MAGI1: variants seen among roughly 807,000 people sequenced by gnomAD.
MAGI1 encodes membrane associated guanylate kinase, WW and PDZ domain containing 1.
MAGI1 carries 58 observed loss-of-function variants against 139.9 expected under a neutral mutation model. The observed-to-expected ratio is 0.41, with a 90% CI of 0.34 to 0.52. The LOEUF (loss-of-function observed/expected upper bound fraction) is 0.52, where lower values mean the gene tolerates loss of function less well. MAGI1 is among the 20% of genes least tolerant of loss of function. The pLI is 0.12. For missense variants in MAGI1, 1,874 were observed against 1,901.6 expected (o/e 0.99, Z 0.27); for synonymous variants, 812 against 737.9 (o/e 1.10, Z -1.63).
At chr3:66,018,859 T>C (rs182059315) in intron 1 of MAGI1, among the ~76,000 whole-genome samples, 10 of 152,310 alleles carry the variant, frequency 6.6e-5, no homozygotes, top group Admixed American at 2.0e-4. Context: ...TGATCACCTC[T>C]CGCTCTTCCC....
At chr3:65,500,820 G>T (rs1043424197) in intron 2 of MAGI1, among the ~76,000 whole-genome samples, 9 of 152,080 alleles carry the variant, frequency 5.9e-5, no homozygotes, top group Non-Finnish European at 1.0e-4. Flanking sequence ...AATTAATCAG[G>T]GTCCTGCTTG....
intron 2 of MAGI1, among the ~76,000 whole-genome samples, chr3:65,541,375 G>A (rs1313707764): frequency 3.3e-5 from 5 of 152,192 alleles, no homozygotes; most frequent in South Asian, 2.1e-4. Context: ...CTTCTGAAAC[G>A]ATTCCACACA....
At chr3:65,691,842 A>G (rs1162318631) in intron 1 of MAGI1, among the ~76,000 whole-genome samples, 1 of 152,160 alleles carries the variant, frequency 6.6e-6, no homozygotes, top group African/African-American at 2.4e-5. Flanking sequence ...GGCTAACTGG[A>G]CTGAAATCGT....
chr3:65,559,380 T>A (rs2080233281), intron 2 of MAGI1, among the ~76,000 whole-genome samples: 1 of 152,232 alleles, frequency 6.6e-6, no homozygotes. Context: ...TCAATCTATC[T>A]GAAAATTTCA....
intron 2 of MAGI1, among the ~76,000 whole-genome samples, chr3:65,557,069 G>A (rs943402034): frequency 1.3e-5 from 2 of 152,108 alleles, no homozygotes; most frequent in African/African-American, 4.8e-5. Context: ...CAAATCCCCA[G>A]ACTCGGTATG....
chr3:65,505,922 T>C (rs976196672), intron 2 of MAGI1, among the ~76,000 whole-genome samples: 17 of 152,282 alleles, frequency 1.1e-4, no homozygotes, highest in African/African-American at 2.6e-4. Flanking sequence ...AGCTGAGGCA[T>C]TGTTACATTT....
At chr3:65,921,653 C>T (rs1460253381) in intron 1 of MAGI1, among the ~76,000 whole-genome samples, 1 of 152,058 alleles carries the variant, frequency 6.6e-6, no homozygotes, top group African/African-American at 2.4e-5. Flanking sequence ...ATTGGAATAA[C>T]CTCCAATCAA....
At chr3:65,884,272 T>A (rs953405008) in intron 1 of MAGI1, among the ~76,000 whole-genome samples, 2 of 152,210 alleles carry the variant, frequency 1.3e-5, no homozygotes, top group Non-Finnish European at 2.9e-5. Context: ...AAGGAACTAG[T>A]GACACTGTGC....
At chr3:65,418,435 G>T (rs536094407) in intron 12 of MAGI1, among the ~76,000 whole-genome samples, 1 of 152,234 alleles carries the variant, frequency 6.6e-6, no homozygotes, top group Admixed American at 6.5e-5. Context: ...CAAATAAATA[G>T]AAATTTCAAT....
intron 10 of MAGI1, among the ~76,000 whole-genome samples, chr3:65,435,468 G>GTGGATGGATGGATGGA (rs10681942): frequency 3.5e-4 from 52 of 149,656 alleles, no homozygotes; most frequent in African/African-American, 4.7e-4. Context: ...ATATGTATAT[G>GTGGATGGATGGATGGA]TGGATGGATG....
chr3:65,397,726 TAA>T (rs1222071066), intron 13 of MAGI1, among the ~76,000 whole-genome samples: 1 of 152,186 alleles, frequency 6.6e-6, no homozygotes, highest in African/African-American at 2.4e-5. Context: ...TGATGACTTA[TAA>T]GTTATTATAA....
At position 65,493,525 on chromosome 3, in the gene MAGI1, G is replaced by A. The variant is rs190884285; in HGVS notation, c.537C>T (p.Val179=). The A allele has an allele frequency of 1.7e-5, 28 of 1,614,118 alleles. No individual in the cohort carries two copies. In the Admixed American group the frequency reaches 2.7e-4, roughly 15 times the overall value. The change falls in exon 3 of 23, where the codon GTC becomes GTT. Residue 179 remains valine, a synonymous_variant. Coordinates refer to ENST00000402939, the MANE Select transcript of MAGI1 (RefSeq NM_001033057.2). ...CAAGTAACTCACCTTCATAGGTGCC[G>A]ACTTCCAGAAGAGTCCCACTCTGCT... ...DLEQSGTLLE[V]GTYEGNYYGT...
chr3:65,703,804 T>A (rs1048297734), intron 1 of MAGI1, among the ~76,000 whole-genome samples: 3 of 152,122 alleles, frequency 2.0e-5, no homozygotes, highest in Non-Finnish European at 2.9e-5. Context: ...TAAATGAACC[T>A]CAGGAAAATG....
rs118043699 is a variant in MAGI1, at chr3:65,990,214, C to A, written c.313+47782G>T. On this transcript the variant is annotated intron_variant, in intron 1 of 22. Transcript: ENST00000402939. ...TAATACAAGTCACCACGGCAAGGTG[C>A]GGGATCATGAACTCAAGTTCAGTAT... is the stretch of plus-strand genomic sequence containing the variant. Among the ~76,000 whole-genome samples, 16 of 152,114 alleles carry A rather than the reference C, an allele frequency of 1.1e-4. No individual in the cohort carries two copies. In the East Asian group the frequency reaches 2.7e-3, roughly 26 times the overall value.
At chr3:65,867,351 C>G (rs2059764717) in intron 1 of MAGI1, among the ~76,000 whole-genome samples, 1 of 152,186 alleles carries the variant, frequency 6.6e-6, no homozygotes, top group Non-Finnish European at 1.5e-5. Context: ...ATTTTCTGAA[C>G]ACATCAATCA....
intron 2 of MAGI1, among the ~76,000 whole-genome samples, chr3:65,592,020 AT>A (rs1238828239): frequency 6.6e-6 from 1 of 152,164 alleles, no homozygotes; most frequent in Admixed American, 6.5e-5. Context: ...TCACTCAACT[AT>A]TACATGTACT....
chr3:65,854,881 G>A (rs1018049571), intron 1 of MAGI1, among the ~76,000 whole-genome samples: 1 of 152,196 alleles, frequency 6.6e-6, no homozygotes, highest in African/African-American at 2.4e-5. Flanking sequence ...ACAACCAAAG[G>A]GAGAAGTATG....
intron 1 of MAGI1, among the ~76,000 whole-genome samples, chr3:65,928,086 T>C (rs1488161578): frequency 6.6e-6 from 1 of 152,168 alleles, no homozygotes; most frequent in South Asian, 2.1e-4. Flanking sequence ...TACTTTTACA[T>C]GAATTTATTT....
rs1947338122 is a variant in MAGI1 at position 65,429,861 on chromosome 3, C to T, written c.1826G>A (p.Arg609Lys). 6.2e-7 allele frequency: 1 copy of T among 1,613,914 alleles called. No individual in the cohort carries two copies. Among genetic ancestry groups the T allele is most frequent in the Admixed American group, 1.7e-5 (1 of 59,968 alleles). Residue 609 changes from arginine (R) to lysine (K), a missense_variant, in exon 12 of 23, where the codon AGG (arginine) becomes AAG (lysine). Coordinates refer to ENST00000402939, the MANE Select transcript of MAGI1 (RefSeq NM_001033057.2). ...TGKVNGMKDARPSSPADVASN... is the reference protein window; with the variant it reads ...TGKVNGMKDAKPSSPADVASN... ...AGCCACGTCCGCTGGGCTGCTTGGC[C>T]TGGCATCCTTCATGCCATTGACTTT...
Sources: allele counts gnomAD v4.1 joint callset (sites outside exome capture counted in the v4.1 genomes callset), GRCh38; gene constraint gnomAD v4.1.1; transcripts MANE v1.5; gene names NCBI Gene and HGNC (gene_info 2026-07-23, HGNC 2026-07-21).